The following UNC79 variants were observed in gnomAD, a reference collection of about 807,000 sequenced individuals.
UNC79 encodes unc-79 subunit of NALCN channel complex.
In UNC79, 37 loss-of-function variants were observed where a neutral mutation model predicts 283.1. That is an observed-to-expected ratio of 0.13 (90% CI 0.10 to 0.17). UNC79 has a LOEUF of 0.17. UNC79 is among the 10% of genes least tolerant of loss of function. The pLI is 1.00. For synonymous variants in UNC79, 1,107 were observed against 1,200.2 expected (o/e 0.92, Z 1.61); for missense variants, 2,272 against 3,211.1 (o/e 0.71, Z 7.07).
At chr14:93,647,695 C>A (rs1475020845) in intron 35 of UNC79, among the ~76,000 whole-genome samples, 2 of 152,130 alleles carry the variant, frequency 1.3e-5, no homozygotes, top group Non-Finnish European at 2.9e-5. Flanking sequence ...AAGGATGCAG[C>A]AGGGAGTCAT....
intron 7 of UNC79, among the ~76,000 whole-genome samples, chr14:93,522,712 A>G (rs923446850): frequency 6.6e-6 from 1 of 152,146 alleles, no homozygotes; most frequent in South Asian, 2.1e-4. Flanking sequence ...TGCTCTAAAA[A>G]TATGATCAAA....
At chr14:93,641,084 CCT>C in intron 32 of UNC79, 59 bp from the exon 36 acceptor site, 1 of 1,423,618 alleles carries the variant, frequency 7.0e-7, no homozygotes. Flanking sequence ...GAGAACCAGG[CCT>C]TTCTTGGCCC....
Position 93,363,267 on chromosome 14 carries a change from A to C in UNC79, c.-351+29744A>C, listed in dbSNP as rs149747553. On this transcript the variant is annotated intron_variant, in intron 1 of 49. Transcript: ENST00000256339. Reference sequence around the variant, plus strand: ...GATTGTTTAATTTTCGTGTAATTATATGATTTTTGAGAGCTCTTGGTATTG... The same window carrying C: ...GATTGTTTAATTTTCGTGTAATTATCTGATTTTTGAGAGCTCTTGGTATTG... Among the ~76,000 whole-genome samples, 315 of 152,252 alleles carry C rather than the reference A, an allele frequency of 2.1e-3. 5 individuals are homozygous for C. The East Asian group carries it at 0.022, about 11-fold the overall frequency.
chr14:93,597,505 C>A (rs1429688371), exon 24 of UNC79: 1 of 1,613,604 alleles, frequency 6.2e-7, no homozygotes, highest in Non-Finnish European at 8.5e-7. Flanking sequence ...CAGAGCTGGT[C>A]TCCTGCTTGA....
intron 27 of UNC79, among the ~76,000 whole-genome samples, chr14:93,614,478 A>T (rs1459259055): frequency 6.6e-6 from 1 of 151,818 alleles, no homozygotes; most frequent in Admixed American, 6.6e-5. Flanking sequence ...CACCACGCTT[A>T]GCTAATTTTT....
At chr14:93,440,527 AT>A (rs760187081) in intron 1 of UNC79, among the ~76,000 whole-genome samples, 12,567 of 132,304 alleles carry the variant, frequency 0.095, 566 homozygotes, top group African/African-American at 0.14. Flanking sequence ...TTGGCTGTTA[AT>A]TTTTTTTTTT....
chr14:93,537,331 G>A (rs1266099909), intron 11 of UNC79, among the ~76,000 whole-genome samples: 2 of 152,140 alleles, frequency 1.3e-5, no homozygotes, highest in Non-Finnish European at 2.9e-5. Context: ...CCCTTCCTGC[G>A]GTTGATGTCA....
At chr14:93,508,806 G>A (rs186819497) in intron 7 of UNC79, among the ~76,000 whole-genome samples, 8 of 152,150 alleles carry the variant, frequency 5.3e-5, no homozygotes, top group African/African-American at 1.9e-4. Context: ...TATAGGCAAT[G>A]GTGTCATCTG....
chr14:93,452,856 ATTATAG>A (rs552823269), intron 1 of UNC79, among the ~76,000 whole-genome samples: 62 of 152,302 alleles, frequency 4.1e-4, no homozygotes, highest in Non-Finnish European at 7.9e-4. Flanking sequence ...TAACAATGCT[ATTATAG>A]TTATAGTTTT....
At chr14:93,341,238 C>T (rs2053701290) in intron 1 of UNC79, among the ~76,000 whole-genome samples, 1 of 151,920 alleles carries the variant, frequency 6.6e-6, no homozygotes, top group Non-Finnish European at 1.5e-5. Context: ...ATTGGGAGTT[C>T]CTGAGGTCAG....
intron 40 of UNC79, among the ~76,000 whole-genome samples, chr14:93,664,255 T>C (rs536707192): frequency 6.6e-6 from 1 of 152,318 alleles, no homozygotes; most frequent in East Asian, 1.9e-4. Context: ...GACTTCACTT[T>C]CTAGCAAACT....
chr14:93,568,256 C>T (rs149664512), intron 14 of UNC79, among the ~76,000 whole-genome samples: 5 of 152,220 alleles, frequency 3.3e-5, no homozygotes, highest in African/African-American at 1.2e-4. Context: ...AGTGGGAATG[C>T]GTGAAAGAAT....
At chr14:93,676,057 T>C (rs1264439724) in intron 41 of UNC79, among the ~76,000 whole-genome samples, 1 of 152,196 alleles carries the variant, frequency 6.6e-6, no homozygotes, top group Non-Finnish European at 1.5e-5. Flanking sequence ...TTTACTTATT[T>C]ATTTTTAATT....
In UNC79 at chr14:93,635,030, G is replaced by T. The variant is rs186003203; in HGVS notation, c.5717-2186G>T. On this transcript the variant is annotated intron_variant, in intron 31 of 48. Transcript: ENST00000555664. ...GAATATTTATAGTAATACTAATAGTGATAAAAATTGTCAGCTTAGTGACAT... is the reference window on the plus strand; with the variant it reads ...GAATATTTATAGTAATACTAATAGTTATAAAAATTGTCAGCTTAGTGACAT... Among the ~76,000 whole-genome samples, 244 of 152,300 alleles carry T rather than the reference G, an allele frequency of 1.6e-3. 2 individuals carry two copies. The highest frequency in any genetic ancestry group is 5.7e-3 in the African/African-American group (235 of 41,576).
rs2074601048 is a variant in UNC79 at position 93,690,520 on chromosome 14, A to G, written c.7272+217A>G. Reference sequence around the variant, plus strand: ...CCAAATTGTTTTTCGGCTTACTTTTATAAAGATAAATCATGGAGTCAAGCA... The same window carrying G: ...CCAAATTGTTTTTCGGCTTACTTTTGTAAAGATAAATCATGGAGTCAAGCA... On this transcript the variant is annotated intron_variant, in intron 45 of 48. Coordinates refer to ENST00000555664, the Ensembl canonical transcript of UNC79. This position sits in a 1 kb window ranked among gnomAD's most constrained non-coding sequence, Gnocchi z 4.3. 3 of 480,350 alleles carry G rather than the reference A, an allele frequency of 6.2e-6. No individual in the cohort carries two copies. Among genetic ancestry groups the G allele is most frequent in the Non-Finnish European group, 1.1e-5 (3 of 283,360 alleles). 29.8% of individuals were successfully genotyped at this position (480,350 alleles called of 1,614,324 possible). A position where few individuals can be genotyped will look rare whatever the true frequency, so the allele number is the denominator to read the frequency against.
chr14:93,655,480 A>G, intron 38 of UNC79, 73 bp downstream of exon 41: 1 of 1,541,382 alleles, frequency 6.5e-7, no homozygotes. Context: ...CAAGCAGCAG[A>G]GTCTTGGGTG....
chr14:93,584,681 A>C (rs2064087251), intron 20 of UNC79, among the ~76,000 whole-genome samples: 1 of 152,140 alleles, frequency 6.6e-6, no homozygotes, highest in South Asian at 2.1e-4. Context: ...GCAATGGTTA[A>C]AATTAAGCAA....
intron 40 of UNC79, among the ~76,000 whole-genome samples, chr14:93,670,750 G>A (rs539123055): frequency 6.6e-6 from 1 of 152,320 alleles, no homozygotes; most frequent in East Asian, 1.9e-4. Context: ...GGGGCTGATA[G>A]CCCCAACTCT....
chr14:93,609,880 T>C (rs1198188591), intron 26 of UNC79, among the ~76,000 whole-genome samples: 1 of 152,206 alleles, frequency 6.6e-6, no homozygotes, highest in Non-Finnish European at 1.5e-5. Context: ...AAGCCCACTC[T>C]GGAGGGGTAA....
Sources: gnomAD v4.1 joint callset for allele counts (sites outside exome capture counted in the v4.1 genomes callset) on GRCh38, gnomAD v4.1.1 for gene constraint, Gnocchi (gnomAD v3.1) non-coding constraint, MANE v1.5 for transcripts, NCBI Gene and HGNC (gene_info 2026-07-23, HGNC 2026-07-21) for gene names.